The following RAPGEF5 variants were observed in gnomAD, a reference collection of about 807,000 sequenced individuals.
The protein encoded by RAPGEF5 is Rap guanine nucleotide exchange factor 5.
Under a neutral mutation model 125.2 loss-of-function variants are expected in RAPGEF5, and 65 were observed. The observed-to-expected ratio is 0.52, with a 90% CI of 0.43 to 0.64. The LOEUF is 0.64. RAPGEF5 is among the 30% of genes least tolerant of loss of function. The pLI, the probability that RAPGEF5 is intolerant of heterozygous loss-of-function variation, is 0.00. For missense variants in RAPGEF5, 958 were observed against 1,048.1 expected (o/e 0.91, Z 1.19); for synonymous variants, 391 against 385.9 (o/e 1.01, Z -0.16).
chr7:22,220,139 T>C (rs972978021), intron 8 of RAPGEF5, 148 bp from the exon 9 acceptor site: 36 of 1,047,344 alleles, frequency 3.4e-5, no homozygotes, highest in Middle Eastern at 2.1e-4. Flanking sequence ...CTTTCAAAAA[T>C]TGAAGTTACA....
chr7:22,164,147 A>G (rs1784089773), intron 12 of RAPGEF5, among the ~76,000 whole-genome samples: 1 of 152,148 alleles, frequency 6.6e-6, no homozygotes, highest in South Asian at 2.1e-4. Flanking sequence ...CAGCCCAGGA[A>G]AGAAAGTGAG....
At chr7:22,147,347 G>A (rs971339687) in intron 18 of RAPGEF5, among the ~76,000 whole-genome samples, 6 of 152,136 alleles carry the variant, frequency 3.9e-5, no homozygotes, top group African/African-American at 1.4e-4. Flanking sequence ...TGAAAGCCCC[G>A]AAATCACTTT....
chr7:22,213,780 A>C (rs1305343800), intron 9 of RAPGEF5, among the ~76,000 whole-genome samples: 1 of 152,228 alleles, frequency 6.6e-6, no homozygotes, highest in Non-Finnish European at 1.5e-5. Context: ...TAATGTTAGA[A>C]AGTTCTACTT....
At chr7:22,301,316 CA>C (rs927028291) in intron 5 of RAPGEF5, among the ~76,000 whole-genome samples, 1 of 151,852 alleles carries the variant, frequency 6.6e-6, no homozygotes, top group African/African-American at 2.4e-5. Context: ...AGGTTTGCAG[CA>C]AAAAAATTAA....
At chr7:22,264,269 A>G (rs1446174582) in intron 7 of RAPGEF5, among the ~76,000 whole-genome samples, 3 of 152,220 alleles carry the variant, frequency 2.0e-5, no homozygotes, top group African/African-American at 7.2e-5. Flanking sequence ...TATACTGAAC[A>G]ACTGCTTTCC....
At chr7:22,243,118 C>T (rs1786382528) in intron 7 of RAPGEF5, among the ~76,000 whole-genome samples, 1 of 152,146 alleles carries the variant, frequency 6.6e-6, no homozygotes, top group South Asian at 2.1e-4. Flanking sequence ...GTTAATAATT[C>T]TGAAAGCCTC....
At chr7:22,227,638 G>A (rs1315837781) in intron 8 of RAPGEF5, among the ~76,000 whole-genome samples, 1 of 152,262 alleles carries the variant, frequency 6.6e-6, no homozygotes, top group East Asian at 1.9e-4. Flanking sequence ...CCAGGAGTCA[G>A]AGGTCAGCCT....
chr7:22,258,492 T>C (rs1782059815), intron 7 of RAPGEF5, among the ~76,000 whole-genome samples: 1 of 151,826 alleles, frequency 6.6e-6, no homozygotes, highest in Admixed American at 6.6e-5. Context: ...TGGTGGCACC[T>C]GCATGCCTGC....
chr7:22,167,463 C>T (rs1256368186), intron 11 of RAPGEF5, among the ~76,000 whole-genome samples: 4 of 152,122 alleles, frequency 2.6e-5, no homozygotes, highest in Non-Finnish European at 5.9e-5. Flanking sequence ...AAAACAAATG[C>T]ATAAATAATG....
chr7:22,118,767 TG>T lies in RAPGEF5; in HGVS notation c.*3638del, dbSNP rs1488200182. On this transcript the variant is annotated 3_prime_UTR_variant, in exon 26 of 26. Coordinates refer to ENST00000665637, the MANE Select transcript of RAPGEF5 (RefSeq NM_012294.5). ...TTCATCCCAGTATTTAATAACAGTG[TG>T]ATACGAATACAATAAATAGACTATG... 2.6e-5 allele frequency: 4 copies of T among 152,722 alleles called. No individual in the cohort carries two copies. Among genetic ancestry groups the T allele is most frequent in the African/African-American group, 7.2e-5 (3 of 41,574 alleles). The allele number at this position is 152,722 out of a possible 1,614,324, so 9.5% of individuals were successfully genotyped here. A position where few individuals can be genotyped will look rare whatever the true frequency, so the allele number is the denominator to read the frequency against.
intron 7 of RAPGEF5, among the ~76,000 whole-genome samples, chr7:22,266,190 T>C (rs1782278171): frequency 6.6e-6 from 1 of 152,196 alleles, no homozygotes; most frequent in Non-Finnish European, 1.5e-5. Flanking sequence ...ATCACTTTGA[T>C]TTTGTCATAG....
At chr7:22,156,543 C>G (rs573482697) in intron 16 of RAPGEF5, among the ~76,000 whole-genome samples, 1 of 152,340 alleles carries the variant, frequency 6.6e-6, no homozygotes, top group South Asian at 2.1e-4. Context: ...TACCTCTTCT[C>G]AAGAATGCAA....
At chr7:22,307,331 T>C (rs1453593914) in intron 5 of RAPGEF5, among the ~76,000 whole-genome samples, 1 of 152,128 alleles carries the variant, frequency 6.6e-6, no homozygotes, top group Non-Finnish European at 1.5e-5. Flanking sequence ...GTGTAAATGG[T>C]GGAGGTGAGG....
intron 6 of RAPGEF5, among the ~76,000 whole-genome samples, chr7:22,279,987 T>C (rs1368401340): frequency 3.3e-5 from 5 of 151,984 alleles, no homozygotes; most frequent in Non-Finnish European, 2.9e-5. Flanking sequence ...TATGTGCCAG[T>C]AGAGAGTTGG....
chr7:22,332,569 A>T (rs1373435401), intron 1 of RAPGEF5, among the ~76,000 whole-genome samples: 1 of 152,230 alleles, frequency 6.6e-6, no homozygotes, highest in Admixed American at 6.5e-5. Context: ...TGTAGTAAAG[A>T]TTCCATGCTA....
chr7:22,219,785 A>G, intron 9 of RAPGEF5, 81 bp downstream of exon 9: 5 of 1,465,078 alleles, frequency 3.4e-6, no homozygotes, highest in Non-Finnish European at 4.6e-6. Context: ...AAAATAAAAT[A>G]GTCTTTCGTT....
At chr7:22,239,136 C>T (rs1022437516) in intron 7 of RAPGEF5, among the ~76,000 whole-genome samples, 2 of 152,112 alleles carry the variant, frequency 1.3e-5, no homozygotes, top group African/African-American at 2.4e-5. Flanking sequence ...CCTTTCAGTT[C>T]CCAGGGCCCT....
rs551390612 is a variant in RAPGEF5 at position 22,304,711 on chromosome 7, G to A, written c.680+3628C>T. ...ACAGGAAAGGCTGAAAGGAGCTGCT[G>A]AAGAACGCCAGTCCCAAACAGTCAC... On this transcript the variant is annotated intron_variant, in intron 5 of 25. Transcript: ENST00000665637. Among the ~76,000 whole-genome samples the A allele has an allele frequency of 3.7e-4, 57 of 152,298 alleles. 1 individual carries two copies. In the East Asian group the frequency reaches 8.9e-3, roughly 24 times the overall value.
intron 3 of RAPGEF5, among the ~76,000 whole-genome samples, chr7:22,314,212 A>G (rs1783539812): frequency 1.3e-5 from 2 of 152,214 alleles, no homozygotes; most frequent in Non-Finnish European, 2.9e-5. Context: ...ATGTTAAAAA[A>G]ATGGTTGCAG....
Sources: gnomAD v4.1 joint callset for allele counts (sites outside exome capture counted in the v4.1 genomes callset) on GRCh38, gnomAD v4.1.1 for gene constraint, MANE v1.5 for transcripts, NCBI Gene and HGNC (gene_info 2026-07-23, HGNC 2026-07-21) for gene names.